Variants in ROCK2 observed in about 807,000 individuals in gnomAD.
The protein encoded by ROCK2 is rho-associated protein kinase 2.
A neutral mutation model predicts 195.1 loss-of-function variants in ROCK2; 61 were observed. The observed-to-expected ratio is 0.31, with a 90% CI of 0.25 to 0.39. The LOEUF is 0.39. Among genes scored for constraint, ROCK2 ranks in the 10% least tolerant of loss-of-function variants. The probability of loss-of-function intolerance (pLI) is 1.00; values close to 1 mark genes in which losing one functional copy is unlikely to be tolerated. For synonymous variants in ROCK2, 504 were observed against 545.5 expected (o/e 0.92, Z 1.06); for missense variants, 1,109 against 1,637.4 (o/e 0.68, Z 5.57).
intron 1 of ROCK2, among the ~76,000 whole-genome samples, chr2:11,312,131 A>C (rs760002139): frequency 5.3e-5 from 8 of 152,188 alleles, no homozygotes; most frequent in Admixed American, 2.6e-4. Flanking sequence ...ATTTTTCATT[A>C]AGTACTACAT....
chr2:11,318,157 C>A (rs1439409043), intron 1 of ROCK2, among the ~76,000 whole-genome samples: 1 of 152,104 alleles, frequency 6.6e-6, no homozygotes, highest in Non-Finnish European at 1.5e-5. Flanking sequence ...CAAATGGTAT[C>A]TCTAGTTCTA....
intron 3 of ROCK2, among the ~76,000 whole-genome samples, chr2:11,273,933 A>AG (rs1479707316): frequency 6.6e-6 from 1 of 151,614 alleles, no homozygotes; most frequent in African/African-American, 2.4e-5. Context: ...CATCTCAAAA[A>AG]AAAAAAAAAA....
At position 11,331,581 on chromosome 2, in the gene ROCK2, C is replaced by CAA. The variant is rs151085792; in HGVS notation, c.141+12413_141+12414dup. Among the ~76,000 whole-genome samples, 48 of 149,696 alleles carry CAA rather than the reference C, an allele frequency of 3.2e-4. No individual in the cohort carries two copies. In the East Asian group the frequency reaches 4.3e-3, roughly 13 times the overall value. On this transcript the variant is annotated intron_variant, in intron 1 of 32. Coordinates refer to ENST00000315872, the MANE Select transcript of ROCK2 (RefSeq NM_004850.5). ...AAGATGAACACAGAGCAGAATGGAA[C>CAA]AAAAAAAAAAGTCATGTGCACGTCA...
chr2:11,203,525 C>G (rs1015875949), intron 20 of ROCK2, among the ~76,000 whole-genome samples: 5 of 151,882 alleles, frequency 3.3e-5, no homozygotes, highest in African/African-American at 9.7e-5. Flanking sequence ...ATATGAACAC[C>G]ACTTGGGTAT....
intron 5 of ROCK2, among the ~76,000 whole-genome samples, chr2:11,231,693 T>C (rs961080428): frequency 2.6e-5 from 4 of 152,138 alleles, no homozygotes; most frequent in Non-Finnish European, 5.9e-5. Context: ...GTTTTTTTTT[T>C]CCTGAGAGAA....
intron 3 of ROCK2, among the ~76,000 whole-genome samples, chr2:11,277,533 T>C (rs911380201): frequency 1.3e-5 from 2 of 152,166 alleles, no homozygotes; most frequent in Non-Finnish European, 2.9e-5. Context: ...TCTTATGCCT[T>C]TGCGTACTCA....
At chr2:11,317,543 A>C (rs1372950952) in intron 1 of ROCK2, among the ~76,000 whole-genome samples, 1 of 90,564 alleles carries the variant, frequency 1.1e-5, no homozygotes, top group Non-Finnish European at 2.3e-5. Flanking sequence ...AACTTCAAAA[A>C]GCTATTTTTT....
Position 11,215,581 on chromosome 2 carries a change from T to C in ROCK2, c.1526A>G (p.Gln509Arg), listed in dbSNP as rs1489303995. The C allele has an allele frequency of 6.2e-7, 1 of 1,613,744 alleles. No individual in the cohort carries two copies. The highest frequency in any genetic ancestry group is 8.5e-7 in the Non-Finnish European group (1 of 1,179,822). The change falls in exon 14 of 33, where the codon CAG becomes CGG. Residue 509 changes from glutamine to arginine, a missense_variant. By Grantham distance (43) the Gln-to-Arg change is conservative. Transcript: ENST00000315872. ...RQLEREKALL[Q>R]HKNAEYQRKA... ...CCTCTGATATTCTGCATTTTTGTGC[T>C]GAAGAAGCGCCTTTTCTCTTTCTAA...
At chr2:11,211,624 C>G (rs1664250019) in intron 18 of ROCK2, 57 bp downstream of exon 18, 1 of 1,456,682 alleles carries the variant, frequency 6.9e-7, no homozygotes, top group Admixed American at 2.3e-5. Context: ...AAAAAGCTAA[C>G]ACAGAATCAA....
At chr2:11,323,357 A>G (rs1397087076) in intron 1 of ROCK2, among the ~76,000 whole-genome samples, 1 of 152,108 alleles carries the variant, frequency 6.6e-6, no homozygotes, top group Non-Finnish European at 1.5e-5. Context: ...ATATTTCACA[A>G]TTGTATTAAA....
intron 1 of ROCK2, chr2:11,307,893 C>CG: frequency 8.5e-7 from 1 of 1,172,118 alleles, no homozygotes; most frequent in Admixed American, 3.2e-5. Flanking sequence ...GGCGGCTCCT[C>CG]GGTGGGTGGC....
Position 11,308,310 on chromosome 2 carries a change from T to C in ROCK2, c.142-20574A>G, listed in dbSNP as rs570114411. The C allele has an allele frequency of 2.6e-4, 287 of 1,118,302 alleles. 5 individuals are homozygous for C. In the South Asian group the frequency reaches 3.4e-3, roughly 13 times the overall value. The allele number at this position is 1,118,302 out of a possible 1,614,324, so 69.3% of individuals were successfully genotyped here. ...GAGAACCTGAAGAAGCTAGAACCAA[T>C]CCTAAAGAATATTCTTACATATAAT... On this transcript the variant is annotated intron_variant, in intron 1 of 32. Transcript: ENST00000315872.
At chr2:11,191,959 T>C (rs1233699981) in intron 32 of ROCK2, among the ~76,000 whole-genome samples, 189 bp downstream of exon 32, 1 of 152,176 alleles carries the variant, frequency 6.6e-6, no homozygotes, top group Non-Finnish European at 1.5e-5. Context: ...AGTAAGTAAG[T>C]TTATATTACT....
intron 3 of ROCK2, among the ~76,000 whole-genome samples, chr2:11,251,947 C>G (rs1450408471): frequency 6.6e-6 from 1 of 152,108 alleles, no homozygotes; most frequent in African/African-American, 2.4e-5. Flanking sequence ...AAATGCAAAT[C>G]AAAACCAGAA....
chr2:11,231,684 T>G (rs1293885467), intron 5 of ROCK2, among the ~76,000 whole-genome samples: 1 of 148,734 alleles, frequency 6.7e-6, no homozygotes, highest in Non-Finnish European at 1.5e-5. Context: ...TTTAGATAAG[T>G]TTTTTTTTTC....
At chr2:11,199,328 T>C (rs1360202868) in intron 23 of ROCK2, among the ~76,000 whole-genome samples, 2 of 151,800 alleles carry the variant, frequency 1.3e-5, no homozygotes, top group Non-Finnish European at 2.9e-5. Flanking sequence ...TTCTCTCTTT[T>C]TGGAGACAAG....
chr2:11,343,161 A>G (rs904761896), intron 1 of ROCK2, among the ~76,000 whole-genome samples: 4 of 151,598 alleles, frequency 2.6e-5, no homozygotes, highest in African/African-American at 9.7e-5. Flanking sequence ...CCCTTTTCCC[A>G]TAAATGCATC....
At position 11,183,380 on chromosome 2, in the gene ROCK2, T is replaced by G; in HGVS notation, c.*57A>C. 1.3e-6 allele frequency: 2 copies of G among 1,508,896 alleles called. No individual in the cohort carries two copies. Among genetic ancestry groups the G allele is most frequent in the Non-Finnish European group, 1.8e-6 (2 of 1,106,558 alleles). The allele number at this position is 1,508,896 out of a possible 1,614,324, so 93.5% of individuals were successfully genotyped here. A position where few individuals can be genotyped will look rare whatever the true frequency, so the allele number is the denominator to read the frequency against. ...ATTTTGGGCCATCATATTTCAGTCT[T>G]GTTTTCACTGGAAGAATACGATCAC... On this transcript the variant is annotated 3_prime_UTR_variant, in exon 33 of 33. Coordinates refer to ENST00000315872, the MANE Select transcript of ROCK2 (RefSeq NM_004850.5).
At chr2:11,337,171 T>C (rs1039871412) in intron 1 of ROCK2, among the ~76,000 whole-genome samples, 3 of 150,492 alleles carry the variant, frequency 2.0e-5, no homozygotes, top group Non-Finnish European at 4.4e-5. Flanking sequence ...CTTAAACCCA[T>C]GAGGTGGAGG....
Sources: gnomAD v4.1 joint callset for allele counts (sites outside exome capture counted in the v4.1 genomes callset) on GRCh38, gnomAD v4.1.1 for gene constraint, MANE v1.5 for transcripts, NCBI Gene and HGNC (gene_info 2026-07-23, HGNC 2026-07-21) for gene names.